ZNF573: variants seen among roughly 807,000 people sequenced by gnomAD.
The protein encoded by ZNF573 is zinc finger protein 573.
In ZNF573, 41 loss-of-function variants were observed where a neutral mutation model predicts 57.4. The ratio of observed to expected loss-of-function variants is 0.71; its 90% CI spans 0.56 to 0.93. ZNF573 has a LOEUF of 0.93. Ranked by LOEUF, ZNF573 falls within the 40% of genes least tolerant of loss-of-function variation. The probability of loss-of-function intolerance (pLI) is 0.00; values close to 1 mark genes in which losing one functional copy is unlikely to be tolerated. For synonymous variants in ZNF573, 249 were observed against 261.0 expected (o/e 0.95, Z 0.44); for missense variants, 730 against 794.8 (o/e 0.92, Z 0.98).
intron 4 of ZNF573, among the ~76,000 whole-genome samples, chr19:37,766,313 T>C (rs1312205381): frequency 6.6e-6 from 1 of 152,192 alleles, no homozygotes; most frequent in African/African-American, 2.4e-5. Context: ...ACACTCAGCC[T>C]TGAAACAGAG....
intron 4 of ZNF573, among the ~76,000 whole-genome samples, chr19:37,767,339 C>T (rs1445088378): frequency 1.3e-5 from 2 of 152,184 alleles, no homozygotes. Flanking sequence ...CGCTCTTCTC[C>T]TGCCTCAGCC....
chr19:37,741,021 T>C (rs946800204), intron 4 of ZNF573, among the ~76,000 whole-genome samples: 4 of 152,168 alleles, frequency 2.6e-5, no homozygotes, highest in African/African-American at 4.8e-5. Flanking sequence ...CTGAAGATGG[T>C]TGAATCCATG....
chr19:37,762,182 T>C (rs2045559456), intron 4 of ZNF573, among the ~76,000 whole-genome samples: 2 of 152,188 alleles, frequency 1.3e-5, no homozygotes, highest in Non-Finnish European at 2.9e-5. Flanking sequence ...ACATTGCAGA[T>C]TGTAGACATT....
Position 37,770,269 on chromosome 19 carries a change from C to T in ZNF573, c.203-172G>A, listed in dbSNP as rs187088490. On this transcript the variant is annotated intron_variant, in intron 3 of 4. Transcript: ENST00000536220. ...CCTTATTTTAATGTAAACTCATACACGCGTGGTCTCTTAGGAGAAAGTTTA... is the reference window on the plus strand; with the variant it reads ...CCTTATTTTAATGTAAACTCATACATGCGTGGTCTCTTAGGAGAAAGTTTA... 2,674 of 553,064 alleles carry T rather than the reference C, an allele frequency of 4.8e-3. 31 individuals carry two copies. The highest frequency in any genetic ancestry group is 3.4e-3 in the Non-Finnish European group (1,072 of 319,264). 34.3% of individuals were successfully genotyped at this position (553,064 alleles called of 1,614,324 possible).
At chr19:37,769,958 C>G in intron 4 of ZNF573, 47 bp downstream of exon 4, 2 of 1,478,112 alleles carry the variant, frequency 1.4e-6, no homozygotes, top group Non-Finnish European at 1.9e-6. Flanking sequence ...CTTTCTCTTA[C>G]CACATGGGCT....
At chr19:37,775,533 C>G (rs1297435995) in intron 1 of ZNF573, among the ~76,000 whole-genome samples, 1 of 152,090 alleles carries the variant, frequency 6.6e-6, no homozygotes, top group African/African-American at 2.4e-5. Context: ...CTATTTACAA[C>G]TTATGGCCCT....
At chr19:37,761,617 G>C (rs1181228264) in intron 4 of ZNF573, among the ~76,000 whole-genome samples, 2 of 152,160 alleles carry the variant, frequency 1.3e-5, no homozygotes, top group African/African-American at 4.8e-5. Context: ...CCCCATTCCA[G>C]AGAGTGTCCC....
chr19:37,744,330 T>C (rs940632689), intron 4 of ZNF573, among the ~76,000 whole-genome samples: 2 of 151,678 alleles, frequency 1.3e-5, no homozygotes, highest in Non-Finnish European at 2.9e-5. Flanking sequence ...GCTCATGGCA[T>C]GGGGTTCACA....
At position 37,751,988 on chromosome 19, in the gene ZNF573, C is replaced by T. The variant is rs551791845; in HGVS notation, c.296-11794G>A. On this transcript the variant is annotated intron_variant, in intron 4 of 4. Coordinates refer to ENST00000536220, the MANE Select transcript of ZNF573 (RefSeq NM_001172690.2). ...TATATACTGTATATAGTACATAGTA[C>T]CGTATATATACTGTATATAGTACAT... 1.1e-3 allele frequency among the ~76,000 whole-genome samples: 154 copies of T among 141,868 alleles called. 1 individual carries two copies. Among genetic ancestry groups the T allele is most frequent in the African/African-American group, 3.9e-3 (150 of 38,056 alleles). 93.1% of individuals were successfully genotyped at this position (141,868 alleles called of 152,430 possible).
chr19:37,745,681 C>T (rs2045375555), intron 4 of ZNF573, among the ~76,000 whole-genome samples: 1 of 152,214 alleles, frequency 6.6e-6, no homozygotes, highest in South Asian at 2.1e-4. Flanking sequence ...CAGGCGTGAG[C>T]CACCACACTT....
chr19:37,767,680 C>CA (rs1335108393), intron 4 of ZNF573, among the ~76,000 whole-genome samples: 5 of 152,156 alleles, frequency 3.3e-5, no homozygotes, highest in African/African-American at 1.2e-4. Flanking sequence ...GCTCTGGACT[C>CA]AGATACATAA....
Position 37,739,286 on chromosome 19 carries a change from A to G in ZNF573, c.1204T>C (p.Phe402Leu). 1.5e-5 allele frequency: 25 copies of G among 1,613,346 alleles called. No homozygotes were observed. Among genetic ancestry groups the G allele is most frequent in the Non-Finnish European group, 2.1e-5 (25 of 1,179,822 alleles). Reference protein sequence around the residue: ...GKTYTTGSKLFQHQKTHTGEK... With the variant: ...GKTYTTGSKLLQHQKTHTGEK... ...CCAGTATGAGTTTTCTGATGTTGAA[A>G]GAGTTTTGAACCAGTAGTATAGGTC... The change falls in exon 5 of 5, where the codon TTT becomes CTT. Residue 402 changes from phenylalanine (F) to leucine (L), a missense_variant. Physicochemically the swap from Phe to Leu is conservative, Grantham distance 22 (BLOSUM62 0). Transcript: ENST00000536220.
intron 4 of ZNF573, among the ~76,000 whole-genome samples, chr19:37,764,063 CAA>C (rs11333523): frequency 3.0e-3 from 320 of 105,682 alleles, no homozygotes; most frequent in African/African-American, 9.4e-3. Flanking sequence ...AACTCTGCCT[CAA>C]AAAAAAAAAA....
At chr19:37,764,071 A>C (rs2045577815) in intron 4 of ZNF573, among the ~76,000 whole-genome samples, 1 of 151,744 alleles carries the variant, frequency 6.6e-6, no homozygotes, top group African/African-American at 2.4e-5. Flanking sequence ...CTCAAAAAAA[A>C]AAAAAAAAAA....
At chr19:37,752,025 TA>T (rs1366253202) in intron 4 of ZNF573, among the ~76,000 whole-genome samples, 2 of 150,018 alleles carry the variant, frequency 1.3e-5, no homozygotes, top group East Asian at 3.9e-4. Flanking sequence ...GTACCGTATA[TA>T]TACTGTATAT....
chr19:37,773,785 T>C (rs1470451812), intron 1 of ZNF573, 34 bp from the exon 2 acceptor site: 2 of 1,282,374 alleles, frequency 1.6e-6, no homozygotes, highest in Non-Finnish European at 2.2e-6. Flanking sequence ...GTGTTCCCAA[T>C]ATGACTTAAT....
At chr19:37,766,631 C>T (rs1227460372) in intron 4 of ZNF573, among the ~76,000 whole-genome samples, 2 of 152,130 alleles carry the variant, frequency 1.3e-5, no homozygotes, top group African/African-American at 4.8e-5. Context: ...AGCCTTAAAC[C>T]AAACTTTTAA....
chr19:37,739,596 A>G lies in ZNF573; in HGVS notation c.894T>C (p.Asp298=). ...ATTTCTCACATATGTATGGCTTCTCATCAGTATGAAACTGCCCATGTTCAA... is the reference window on the plus strand; with the variant it reads ...ATTTCTCACATATGTATGGCTTCTCGTCAGTATGAAACTGCCCATGTTCAA... ...NLVEHGQFHT[D]EKPYICEKCG... Residue 298 remains aspartate (D), a synonymous_variant, in exon 5 of 5, where the codon GAT becomes GAC. Transcript: ENST00000536220. 6.2e-7 allele frequency: 1 copy of G among 1,614,018 alleles called. No homozygotes were observed. Among genetic ancestry groups the G allele is most frequent in the Non-Finnish European group, 8.5e-7 (1 of 1,180,014 alleles).
At chr19:37,752,713 C>A (rs1324055611) in intron 4 of ZNF573, among the ~76,000 whole-genome samples, 1 of 152,102 alleles carries the variant, frequency 6.6e-6, no homozygotes, top group Non-Finnish European at 1.5e-5. Context: ...TGGCTCACTG[C>A]AGCCTCAACC....
Sources: gnomAD v4.1 joint callset for allele counts (sites outside exome capture counted in the v4.1 genomes callset) on GRCh38, gnomAD v4.1.1 for gene constraint, MANE v1.5 for transcripts, NCBI Gene and HGNC (gene_info 2026-07-23, HGNC 2026-07-21) for gene names.